CFAP44: variants seen among roughly 807,000 people sequenced by gnomAD.
CFAP44 encodes cilia- and flagella-associated protein 44.
Under a neutral mutation model 216.2 loss-of-function variants are expected in CFAP44, and 134 were observed. The ratio of observed to expected loss-of-function variants is 0.62; its 90% CI spans 0.54 to 0.72. The LOEUF (loss-of-function observed/expected upper bound fraction) is 0.72, where lower values mean the gene tolerates loss of function less well. Ranked by LOEUF, CFAP44 falls within the 30% of genes least tolerant of loss-of-function variation. The probability of loss-of-function intolerance (pLI) is 0.00; values close to 1 mark genes in which losing one functional copy is unlikely to be tolerated. For synonymous variants in CFAP44, 700 were observed against 727.6 expected, an observed-to-expected ratio of 0.96 and a Z score of 0.61; for missense variants, 2,035 against 2,182.1, an observed-to-expected ratio of 0.93 and a Z score of 1.34.
chr3:113,400,616 AAGG>A lies in CFAP44; in HGVS notation c.1400_1402del (p.Ser467del). On this transcript the variant is annotated inframe_deletion, in exon 12 of 35. Coordinates refer to ENST00000393845, the MANE Select transcript of CFAP44 (RefSeq NM_001164496.2). ...CACGGCTTCAATAGCTCCAGAATGG[AAGG>A]AGAAGAGGCATTCTGGGTCCTGGGT... 6.2e-7 allele frequency: 1 copy of A among 1,611,048 alleles called. No individual in the cohort carries two copies. Among genetic ancestry groups the A allele is most frequent in the Non-Finnish European group, 8.5e-7 (1 of 1,178,568 alleles).
chr3:113,318,066 A>C (rs932312116), intron 28 of CFAP44, among the ~76,000 whole-genome samples: 18 of 152,158 alleles, frequency 1.2e-4, no homozygotes, highest in Non-Finnish European at 2.1e-4. Flanking sequence ...TTAACAGTCT[A>C]AAATGACTGA....
intron 4 of CFAP44, among the ~76,000 whole-genome samples, chr3:113,424,589 A>G (rs1238596406): frequency 6.6e-6 from 1 of 152,244 alleles, no homozygotes; most frequent in African/African-American, 2.4e-5. Context: ...TAGAGATTAT[A>G]TATGTCCATC....
intron 2 of CFAP44, among the ~76,000 whole-genome samples, chr3:113,431,908 A>G (rs1245910486): frequency 6.6e-6 from 1 of 152,216 alleles, no homozygotes. Flanking sequence ...AGAGCCAGCC[A>G]TCTTTCAAAA....
chr3:113,426,897 A>C (rs968757247), intron 3 of CFAP44: 2 of 329,336 alleles, frequency 6.1e-6, no homozygotes, highest in Non-Finnish European at 1.1e-5. Flanking sequence ...ACTCCCAATT[A>C]CTTCCAAAGG....
chr3:113,367,163 T>C (rs55667700), intron 18 of CFAP44, among the ~76,000 whole-genome samples: 28,307 of 152,196 alleles, frequency 0.19, 3,180 homozygotes, highest in East Asian at 0.41. Context: ...GCAGACAACT[T>C]CTGCAGACTT....
At chr3:113,382,603 G>C (rs1396324961) in intron 15 of CFAP44, among the ~76,000 whole-genome samples, 1 of 151,986 alleles carries the variant, frequency 6.6e-6, no homozygotes, top group Non-Finnish European at 1.5e-5. Context: ...CCAATAAACA[G>C]GTATGATTAA....
chr3:113,440,442 T>A (rs900645438), intron 1 of CFAP44, among the ~76,000 whole-genome samples: 1 of 152,234 alleles, frequency 6.6e-6, no homozygotes, highest in South Asian at 2.1e-4. Context: ...GCAGCGTATT[T>A]ACTCTGAATC....
At position 113,381,009 on chromosome 3, in the gene CFAP44, G is replaced by A. The variant is rs753871519; in HGVS notation, c.1942C>T (p.Pro648Ser). The change falls in exon 16 of 35, where the codon CCA (proline) becomes TCA (serine). Residue 648 changes from proline to serine, a missense_variant. Physicochemically the swap from Pro to Ser is moderately conservative, Grantham distance 74. Around this residue, in one of 3 missense-constraint regions of CFAP44, gnomAD observed 1,883 missense variants for 2,023.7 expected, o/e 0.93. Transcript: ENST00000393845. ...TCTTCTTGCTTTATGGTTGGAAGTG[G>A]AGCTTCAAGAATATAGCCATTTTCA... ...ICENGYILEAPLPTIKQEEDD... is the reference protein window; with the variant it reads ...ICENGYILEASLPTIKQEEDD... 6 of 1,596,638 alleles carry A rather than the reference G, an allele frequency of 3.8e-6. No homozygotes were observed. Among genetic ancestry groups the A allele is most frequent in the East Asian group, 4.6e-5 (2 of 43,956 alleles).
At chr3:113,338,255 C>CAAAAAAAAAAAAAAAAAAA (rs10574877) in intron 24 of CFAP44, among the ~76,000 whole-genome samples, 4 of 43,042 alleles carry the variant, frequency 9.3e-5, no homozygotes, top group Non-Finnish European at 1.1e-4. Flanking sequence ...GACAATGTCT[C>CAAAAAAAAAAAAAAAAAAA]AAAAAAAAAA....
intron 6 of CFAP44, 30 bp downstream of exon 6, chr3:113,416,495 T>C (rs371789629): frequency 1.6e-5 from 24 of 1,498,954 alleles, no homozygotes; most frequent in African/African-American, 4.2e-5. Flanking sequence ...TCCTTGAACA[T>C]GAAATATTTA....
chr3:113,375,399 C>T (rs566637903), intron 17 of CFAP44, among the ~76,000 whole-genome samples: 12 of 151,998 alleles, frequency 7.9e-5, no homozygotes, highest in Admixed American at 3.3e-4. Flanking sequence ...ATAAAAGTTA[C>T]GAAGCTGGAA....
intron 9 of CFAP44, 148 bp from the exon 10 acceptor site, chr3:113,401,887 G>T: frequency 1.3e-6 from 1 of 787,430 alleles, no homozygotes; most frequent in Non-Finnish European, 1.9e-6. Flanking sequence ...AAGAACACCA[G>T]CCAAAACCTG....
chr3:113,437,630 T>C (rs369841368), intron 1 of CFAP44, among the ~76,000 whole-genome samples: 5 of 152,190 alleles, frequency 3.3e-5, no homozygotes, highest in African/African-American at 1.2e-4. Flanking sequence ...GATGTAGCAA[T>C]ACCGGACAAT....
rs147056360 is a variant in CFAP44, at chr3:113,419,197, C to T, written c.570+820G>A. Among the ~76,000 whole-genome samples the T allele has an allele frequency of 6.0e-4, 91 of 152,298 alleles. 1 individual carries two copies. The highest frequency in any genetic ancestry group is 2.0e-3 in the African/African-American group (82 of 41,576). On this transcript the variant is annotated intron_variant, in intron 5 of 34. Coordinates refer to ENST00000393845, the MANE Select transcript of CFAP44 (RefSeq NM_001164496.2). ...AGGGCTCCTGAAACCTCATAGGCTC[C>T]GACTGACTTCCCTCCACAAAATCCA... is the stretch of plus-strand genomic sequence containing the variant.
Position 113,426,251 on chromosome 3 carries a change from C to A in CFAP44, c.280G>T (p.Val94Leu), listed in dbSNP as rs1405330110. ...TVPQQTPAPA[V>L]EEAEEEVKKK... ...TTAACTTCCTCCTCTGCTTCTTCCA[C>A]AGCTGGAGCAGGGGTTTGCTGAGGT... The change falls in exon 4 of 35, where the codon GTG (valine) becomes TTG (leucine). Residue 94 changes from valine to leucine, a missense_variant. Transcript: ENST00000393845. 6.2e-7 allele frequency: 1 copy of A among 1,614,094 alleles called. No homozygotes were observed. The highest frequency in any genetic ancestry group is 8.5e-7 in the Non-Finnish European group (1 of 1,179,966).
In CFAP44 at chr3:113,326,406, G is replaced by A. The variant is rs1446069286; in HGVS notation, c.4516+39C>T. On this transcript the variant is annotated intron_variant, in intron 28 of 34. Transcript: ENST00000393845. ...AGTTACCTCTCTATTTCATGTTAAT[G>A]AGAGAAAATAAGATCATATGCAAGA... The A allele has an allele frequency of 1.8e-5, 26 of 1,437,918 alleles. No individual in the cohort carries two copies. The East Asian group carries it at 6.4e-4, about 35-fold the overall frequency. The allele number at this position is 1,437,918 out of a possible 1,614,324, so 89.1% of individuals were successfully genotyped here.
chr3:113,416,758 G>A (rs1934659297), intron 5 of CFAP44, 131 bp from the exon 6 acceptor site: 2 of 578,440 alleles, frequency 3.5e-6, no homozygotes, highest in African/African-American at 1.9e-5. Context: ...CTCAAAAATG[G>A]GCATCAGATA....
intron 15 of CFAP44, among the ~76,000 whole-genome samples, chr3:113,386,687 AC>A (rs1432271409): frequency 6.6e-6 from 1 of 152,092 alleles, no homozygotes; most frequent in African/African-American, 2.4e-5. Flanking sequence ...CCACAGGAAC[AC>A]CAAATTTAAC....
At chr3:113,339,228 C>T (rs1950308850) in intron 24 of CFAP44, among the ~76,000 whole-genome samples, 1 of 152,064 alleles carries the variant, frequency 6.6e-6, no homozygotes, top group Non-Finnish European at 1.5e-5. Flanking sequence ...GTTTTTCCTC[C>T]AGATTCTGAG....
Sources: gnomAD v4.1 joint callset for allele counts (sites outside exome capture counted in the v4.1 genomes callset) on GRCh38, gnomAD v4.1.1 for gene constraint, gnomAD v4.1.1 regional missense constraint, MANE v1.5 for transcripts, NCBI Gene and HGNC (gene_info 2026-07-23, HGNC 2026-07-21) for gene names.